Variants in KCNH1 observed in about 807,000 individuals in gnomAD.
KCNH1 encodes voltage-gated delayed rectifier potassium channel KCNH1.
KCNH1 carries 27 observed loss-of-function variants against 69.2 expected under a neutral mutation model. The ratio of observed to expected loss-of-function variants is 0.39; its 90% confidence interval spans 0.29 to 0.54. The LOEUF is 0.54. KCNH1 is among the 20% of genes least tolerant of loss of function. The probability of loss-of-function intolerance (pLI) is 0.68; values close to 1 mark genes in which losing one functional copy is unlikely to be tolerated. For missense variants in KCNH1, 798 were observed against 1,261.6 expected (o/e 0.63, Z 5.57); for synonymous variants, 456 against 487.7 (o/e 0.93, Z 0.86).
chr1:210,884,871 C>G (rs1431723926), intron 7 of KCNH1, among the ~76,000 whole-genome samples: 1 of 152,192 alleles, frequency 6.6e-6, no homozygotes, highest in Non-Finnish European at 1.5e-5. Flanking sequence ...GAGGAGACAC[C>G]AGGCAGAGAG....
At chr1:210,977,380 A>C (rs1334964463) in intron 6 of KCNH1, among the ~76,000 whole-genome samples, 1 of 152,104 alleles carries the variant, frequency 6.6e-6, no homozygotes, top group Non-Finnish European at 1.5e-5. Flanking sequence ...CCAACATGGC[A>C]CATGTATACA....
rs139318016 is a variant in KCNH1 at position 210,683,879 on chromosome 1, C to T, written c.2372G>A (p.Arg791His). Residue 791 changes from arginine (R) to histidine (H), a missense_variant, in exon 11 of 11, where the codon CGT (arginine) becomes CAT (histidine). Physicochemically the swap from Arg to His is conservative, Grantham distance 29 (BLOSUM62 0). Coordinates refer to ENST00000271751, the MANE Select transcript of KCNH1 (RefSeq NM_172362.3). The surrounding 1 kb of genome is among the most constrained non-coding windows in gnomAD (Gnocchi z 5.7). ...GGATACGGGCGTGGCAGGACTCTCA[C>T]GCACGGTGACCACGCTGGCCTTCAC... ...SLVKASVVTV[R>H]ESPATPVSFQ... The T allele has an allele frequency of 4.4e-5, 71 of 1,614,080 alleles. No homozygotes were observed. The highest frequency in any genetic ancestry group is 2.9e-4 in the South Asian group (26 of 91,076).
At chr1:210,711,074 C>G (rs1420343480) in intron 10 of KCNH1, among the ~76,000 whole-genome samples, 2 of 152,192 alleles carry the variant, frequency 1.3e-5, no homozygotes, top group Non-Finnish European at 2.9e-5. Flanking sequence ...TCTCTGGCTC[C>G]CAAATCTCCC....
intron 9 of KCNH1, among the ~76,000 whole-genome samples, chr1:210,785,719 T>C (rs1475247448): frequency 6.6e-6 from 1 of 152,160 alleles, no homozygotes; most frequent in African/African-American, 2.4e-5. Context: ...TTCAGCTGCA[T>C]CATGTTCTGA....
intron 10 of KCNH1, among the ~76,000 whole-genome samples, chr1:210,712,393 C>T (rs4951542): frequency 0.65 from 98,809 of 152,034 alleles, 32,975 homozygotes; most frequent in Middle Eastern, 0.79. Context: ...ATAAAAACTC[C>T]GCCTGCTTCA....
intron 6 of KCNH1, among the ~76,000 whole-genome samples, chr1:210,978,673 G>A (rs1168174593): frequency 6.6e-6 from 1 of 152,172 alleles, no homozygotes; most frequent in East Asian, 1.9e-4. Flanking sequence ...TCCCTGTTGA[G>A]TTCCTGTTAA....
chr1:210,804,210 T>TG (rs1381520891), intron 7 of KCNH1, 44 bp from the exon 8 acceptor site: 1 of 1,524,318 alleles, frequency 6.6e-7, no homozygotes, highest in African/African-American at 1.4e-5. Flanking sequence ...AACAAGTTAG[T>TG]GGTCCCTGAG....
At chr1:211,000,995 C>T (rs905456295) in intron 6 of KCNH1, among the ~76,000 whole-genome samples, 10 of 151,922 alleles carry the variant, frequency 6.6e-5, no homozygotes, top group Non-Finnish European at 1.0e-4. Flanking sequence ...TTCCTTATAC[C>T]TTATATGAAC....
intron 5 of KCNH1, among the ~76,000 whole-genome samples, chr1:211,037,730 C>T (rs1169317037): frequency 6.6e-6 from 1 of 151,970 alleles, no homozygotes; most frequent in Admixed American, 6.6e-5. Flanking sequence ...CAAACTACAC[C>T]TAACTAGAGT....
intron 10 of KCNH1, among the ~76,000 whole-genome samples, chr1:210,735,003 A>T (rs1484410669): frequency 6.6e-6 from 1 of 152,070 alleles, no homozygotes; most frequent in African/African-American, 2.4e-5. Flanking sequence ...CTCTAGCCTC[A>T]TTCTCTTCTT....
chr1:211,039,680 C>T (rs1689955687), intron 5 of KCNH1, among the ~76,000 whole-genome samples: 1 of 152,108 alleles, frequency 6.6e-6, no homozygotes, highest in African/African-American at 2.4e-5. Context: ...ATTTGACTGC[C>T]CCGCTGGATT....
intron 1 of KCNH1, among the ~76,000 whole-genome samples, chr1:211,108,001 C>T (rs562463096): frequency 6.6e-6 from 1 of 152,260 alleles, no homozygotes; most frequent in South Asian, 2.1e-4. Context: ...ACAACAGGAC[C>T]TTCTTGCTAA....
chr1:211,069,578 T>C (rs572203661), intron 5 of KCNH1, among the ~76,000 whole-genome samples: 15 of 152,208 alleles, frequency 9.9e-5, no homozygotes, highest in South Asian at 4.1e-4. Flanking sequence ...AACACTGTAA[T>C]TGATATAAAG....
At chr1:210,839,849 C>T (rs1685368019) in intron 7 of KCNH1, among the ~76,000 whole-genome samples, 1 of 152,092 alleles carries the variant, frequency 6.6e-6, no homozygotes, top group Admixed American at 6.6e-5. Context: ...GAAAAGTTGC[C>T]TTAGCATTCT....
At chr1:211,011,842 C>T (rs1451113147) in intron 6 of KCNH1, among the ~76,000 whole-genome samples, 2 of 152,200 alleles carry the variant, frequency 1.3e-5, no homozygotes, top group Non-Finnish European at 2.9e-5. Flanking sequence ...GTCTCCTCCA[C>T]AATCCTTCAC....
Position 210,745,494 on chromosome 1 carries a change from T to C in KCNH1, c.2112+29854A>G, listed in dbSNP as rs578069695. Among the ~76,000 whole-genome samples, 268 of 152,338 alleles carry C rather than the reference T, an allele frequency of 1.8e-3. 1 individual carries two copies. The highest frequency in any genetic ancestry group is 6.3e-3 in the African/African-American group (263 of 41,588). On this transcript the variant is annotated intron_variant, in intron 10 of 10. Coordinates refer to ENST00000271751, the MANE Select transcript of KCNH1 (RefSeq NM_172362.3). ...AAAAAGACCTCTGTTTGACTGCATA[T>C]GCCAATTAAGAAACGATGGTCACTA...
intron 4 of KCNH1, among the ~76,000 whole-genome samples, chr1:211,084,124 G>C (rs1169431954): frequency 6.6e-6 from 1 of 152,188 alleles, no homozygotes; most frequent in Non-Finnish European, 1.5e-5. Flanking sequence ...TGGTTTCACT[G>C]TGGGGGGGTC....
chr1:210,938,557 T>A (rs894045650), intron 6 of KCNH1, among the ~76,000 whole-genome samples: 9 of 152,230 alleles, frequency 5.9e-5, no homozygotes, highest in African/African-American at 1.9e-4. Context: ...CTCTTCGTAA[T>A]TTGATCCTTG....
intron 9 of KCNH1, among the ~76,000 whole-genome samples, chr1:210,783,598 C>G (rs1212726979): frequency 6.6e-6 from 1 of 152,152 alleles, no homozygotes; most frequent in Non-Finnish European, 1.5e-5. Context: ...TTGCCTTTCC[C>G]TATACCTTCT....
Sources: allele counts gnomAD v4.1 joint callset (sites outside exome capture counted in the v4.1 genomes callset), GRCh38; gene constraint gnomAD v4.1.1; non-coding constraint Gnocchi (gnomAD v3.1); transcripts MANE v1.5; gene names NCBI Gene and HGNC (gene_info 2026-07-23, HGNC 2026-07-21).